ATP10B: variants seen among roughly 807,000 people sequenced by gnomAD.
The protein encoded by ATP10B is ATPase phospholipid transporting 10B (putative), also known as phospholipid-transporting ATPase VB.
A neutral mutation model predicts 141.2 loss-of-function variants in ATP10B; 122 were observed. That is an observed-to-expected ratio of 0.86 (90% CI 0.75 to 1.00). The LOEUF (loss-of-function observed/expected upper bound fraction) is 1.00, where lower values mean the gene tolerates loss of function less well. Ranked by LOEUF, ATP10B falls within the 50% of genes least tolerant of loss-of-function variation. The pLI is 0.00. For missense variants in ATP10B, 1,876 were observed against 1,825.3 expected, an observed-to-expected ratio of 1.03 and a Z score of -0.51; for synonymous variants, 685 against 692.0, an observed-to-expected ratio of 0.99 and a Z score of 0.16.
chr5:160,604,536 G>T (rs1757272938), intron 19 of ATP10B, among the ~76,000 whole-genome samples: 1 of 152,212 alleles, frequency 6.6e-6, no homozygotes, highest in South Asian at 2.1e-4. Flanking sequence ...GGACAGTTTG[G>T]AGAGTGAAAT....
chr5:160,784,883 A>G (rs568076752), intron 2 of ATP10B, among the ~76,000 whole-genome samples: 1 of 151,968 alleles, frequency 6.6e-6, no homozygotes, highest in South Asian at 2.1e-4. Context: ...TTTTCTTTCT[A>G]ATAAGATTTT....
the ATP10B span, among the ~76,000 whole-genome samples, chr5:160,881,125 A>C: frequency 6.6e-6 from 1 of 152,228 alleles, no homozygotes; most frequent in African/African-American, 2.4e-5. Flanking sequence ...AATGGACAAA[A>C]GATCTTAATA....
rs17058260 is a variant in ATP10B, at chr5:160,780,019, A to G, written c.-331+5540T>C. ...GTTCAGATAAAACCAATTCTAATCT[A>G]GTCAGTACTTATCATCTCTTTACTC... On this transcript the variant is annotated intron_variant, in intron 2 of 25. Transcript: ENST00000327245. Among the ~76,000 whole-genome samples, 446 of 152,372 alleles carry G rather than the reference A, an allele frequency of 2.9e-3. 5 individuals carry two copies. The East Asian group carries it at 0.032, about 11-fold the overall frequency.
intron 1 of ATP10B, among the ~76,000 whole-genome samples, chr5:160,786,677 C>A (rs1160818863): frequency 6.6e-6 from 1 of 152,106 alleles, no homozygotes; most frequent in Admixed American, 6.6e-5. Flanking sequence ...ACTTTGGAGA[C>A]AATGAAGTTG....
the ATP10B span, among the ~76,000 whole-genome samples, chr5:160,900,794 T>TA: frequency 6.2e-4 from 71 of 113,778 alleles, no homozygotes; most frequent in Non-Finnish European, 1.2e-3. Flanking sequence ...AGATTTACAT[T>TA]TTTTTTTTAT....
the ATP10B span, among the ~76,000 whole-genome samples, chr5:160,919,181 G>A: frequency 2.1e-4 from 25 of 118,046 alleles, no homozygotes; most frequent in African/African-American, 6.9e-4. Context: ...TCGAGATCGC[G>A]CCACTGCACT....
rs574811144 is a variant in ATP10B at position 160,582,865 on chromosome 5, G to C, written c.3750+6727C>G. Among the ~76,000 whole-genome samples the C allele has an allele frequency of 6.6e-5, 10 of 152,010 alleles. No individual in the cohort carries two copies. The South Asian group carries it at 1.7e-3, about 25-fold the overall frequency. On this transcript the variant is annotated intron_variant, in intron 24 of 25. Coordinates refer to ENST00000327245, the MANE Select transcript of ATP10B (RefSeq NM_025153.3). ...CTGATATCCTTTCTTCCACTTGATC[G>C]ATTCAGCTATTGATACTTGTGTATG...
intron 2 of ATP10B, among the ~76,000 whole-genome samples, chr5:160,717,350 C>A (rs752444422): frequency 6.6e-6 from 1 of 152,120 alleles, no homozygotes; most frequent in African/African-American, 2.4e-5. Context: ...GAGGGCAAAG[C>A]CTGGTGTGTC....
At chr5:160,652,552 G>A (rs989762981) in intron 7 of ATP10B, among the ~76,000 whole-genome samples, 4 of 144,452 alleles carry the variant, frequency 2.8e-5, no homozygotes, top group South Asian at 2.2e-4. Flanking sequence ...TCGACTTCCC[G>A]GGTTCAAACA....
At position 160,575,427 on chromosome 5, in the gene ATP10B, C is replaced by T. The variant is rs190678423; in HGVS notation, c.3751-5744G>A. 3.2e-4 allele frequency among the ~76,000 whole-genome samples: 48 copies of T among 152,006 alleles called. No homozygotes were observed. The Middle Eastern group carries it at 0.02, about 65-fold the overall frequency. On this transcript the variant is annotated intron_variant, in intron 24 of 25. Coordinates refer to ENST00000327245, the MANE Select transcript of ATP10B (RefSeq NM_025153.3). ...TGGAATACTCTCACCCTACCTACCA[C>T]CTTTTTGTTTAAAGAAAGAATAATG...
chr5:160,564,465 C>T lies in ATP10B; in HGVS notation c.*988G>A, dbSNP rs576826761. On this transcript the variant is annotated 3_prime_UTR_variant, in exon 26 of 26. Transcript: ENST00000327245. ...GGCTGGAAGGGGGTTTCAGCCTATC[C>T]CCATTCTGGAATAGGCTGAATGGGG... 6.6e-6 allele frequency: 1 copy of T among 152,076 alleles called. No homozygotes were observed. Among genetic ancestry groups the T allele is most frequent in the South Asian group, 2.1e-4 (1 of 4,810 alleles). 9.4% of individuals were successfully genotyped at this position (152,076 alleles called of 1,614,324 possible).
intron 2 of ATP10B, among the ~76,000 whole-genome samples, chr5:160,764,390 C>T (rs537794599): frequency 9.9e-5 from 15 of 151,976 alleles, no homozygotes; most frequent in Non-Finnish European, 1.9e-4. Flanking sequence ...ATACCAGGGA[C>T]GCAGGGCTGG....
intron 25 of ATP10B, among the ~76,000 whole-genome samples, chr5:160,568,033 C>T (rs1374078837): frequency 2.0e-5 from 3 of 152,086 alleles, no homozygotes; most frequent in African/African-American, 7.2e-5. Context: ...AAGATTAATT[C>T]CCTGGGGCCT....
At chr5:160,652,623 G>A (rs1041106721) in intron 7 of ATP10B, among the ~76,000 whole-genome samples, 2 of 136,430 alleles carry the variant, frequency 1.5e-5, no homozygotes, top group South Asian at 2.3e-4. Context: ...CAGACCTGAC[G>A]AATTTTATAT....
intron 1 of ATP10B, among the ~76,000 whole-genome samples, chr5:160,828,463 T>C (rs1248843353): frequency 2.0e-5 from 3 of 151,948 alleles, no homozygotes; most frequent in Non-Finnish European, 2.9e-5. Context: ...AAAATGCTCA[T>C]CATCACTAGC....
chr5:160,583,703 C>G (rs561378275), intron 24 of ATP10B, among the ~76,000 whole-genome samples: 1 of 152,302 alleles, frequency 6.6e-6, no homozygotes, highest in African/African-American at 2.4e-5. Flanking sequence ...GGAGTTGCTG[C>G]TTTTCTTGCA....
chr5:160,870,228 C>G, the ATP10B span, among the ~76,000 whole-genome samples: 1 of 152,098 alleles, frequency 6.6e-6, no homozygotes, highest in Non-Finnish European at 1.5e-5. Flanking sequence ...GGCATAGGCT[C>G]GCTAAAAGAC....
chr5:160,589,751 C>CCAAAG, intron 23 of ATP10B, 55 bp from the exon 24 acceptor site: 2 of 1,349,294 alleles, frequency 1.5e-6, no homozygotes, highest in Non-Finnish European at 1.1e-6. Flanking sequence ...CTAACTTTGG[C>CCAAAG]TTTGACACAG....
intron 10 of ATP10B, among the ~76,000 whole-genome samples, chr5:160,639,977 A>T (rs1759713157): frequency 6.6e-6 from 1 of 152,202 alleles, no homozygotes; most frequent in Non-Finnish European, 1.5e-5. Flanking sequence ...TGCAGTTCAC[A>T]ATAGGTTTTG....
Sources: gnomAD v4.1 joint callset for allele counts (sites outside exome capture counted in the v4.1 genomes callset) on GRCh38, gnomAD v4.1.1 for gene constraint, MANE v1.5 for transcripts, NCBI Gene and HGNC (gene_info 2026-07-23, HGNC 2026-07-21) for gene names.